Variants in NAALADL2 observed in about 807,000 individuals in gnomAD.
The protein encoded by NAALADL2 is N-acetylated alpha-linked acidic dipeptidase like 2.
In NAALADL2, 76 loss-of-function variants were observed where a neutral mutation model predicts 87.2. That is an observed-to-expected ratio of 0.87 (90% CI 0.72 to 1.05). The LOEUF is 1.05. Among genes scored for constraint, NAALADL2 ranks in the 50% least tolerant of loss-of-function variants. The probability of loss-of-function intolerance (pLI) is 0.00; values close to 1 mark genes in which losing one functional copy is unlikely to be tolerated. For synonymous variants in NAALADL2, 354 were observed against 331.0 expected (o/e 1.07, Z -0.75); for missense variants, 1,089 against 945.8 (o/e 1.15, Z -1.99).
intron 3 of NAALADL2, among the ~76,000 whole-genome samples, chr3:174,744,664 T>C (rs1164100214): frequency 6.6e-6 from 1 of 152,066 alleles, no homozygotes; most frequent in East Asian, 1.9e-4. Context: ...CAGTGCCACA[T>C]GGCATGTTCT....
intron 1 of NAALADL2, among the ~76,000 whole-genome samples, chr3:175,041,428 T>C (rs866366809): frequency 2.6e-5 from 4 of 152,160 alleles, no homozygotes; most frequent in Admixed American, 6.6e-5. Flanking sequence ...TCTAAGTGGT[T>C]ATAAACTATA....
intron 5 of NAALADL2, among the ~76,000 whole-genome samples, chr3:175,413,075 G>C (rs1170500582): frequency 6.8e-6 from 1 of 148,028 alleles, no homozygotes; most frequent in Non-Finnish European, 1.5e-5. Flanking sequence ...ATTTTTAGTA[G>C]AGATGGGGTT....
intron 5 of NAALADL2, among the ~76,000 whole-genome samples, chr3:175,386,590 G>T (rs764071947): frequency 8.6e-5 from 13 of 151,602 alleles, no homozygotes; most frequent in African/African-American, 2.7e-4. Flanking sequence ...CTTATCCCCA[G>T]TATTGCTTTC....
At chr3:175,217,757 C>T (rs1381122) in intron 2 of NAALADL2, among the ~76,000 whole-genome samples, 131,470 of 152,218 alleles carry the variant, frequency 0.86, 57,098 homozygotes, top group Middle Eastern at 0.94. Flanking sequence ...ACATTGAAAA[C>T]AAGCTTAAGA....
chr3:175,054,111 C>T (rs1711590669), intron 1 of NAALADL2, among the ~76,000 whole-genome samples: 1 of 152,186 alleles, frequency 6.6e-6, no homozygotes, highest in African/African-American at 2.4e-5. Context: ...AATCAGAACT[C>T]ACATTCATAG....
At chr3:175,635,263 A>C (rs1029610124) in intron 11 of NAALADL2, among the ~76,000 whole-genome samples, 11 of 152,056 alleles carry the variant, frequency 7.2e-5, no homozygotes, top group African/African-American at 1.9e-4. Context: ...GAATTATTAC[A>C]CAATATGTGA....
At chr3:174,523,003 A>C (rs7645091) in intron 1 of NAALADL2, among the ~76,000 whole-genome samples, 101,167 of 150,366 alleles carry the variant, frequency 0.67, 34,370 homozygotes, top group East Asian at 0.89. Context: ...GATGTCTTGC[A>C]CCTTCCACCA....
intron 2 of NAALADL2, among the ~76,000 whole-genome samples, chr3:174,585,921 A>G (rs548882404): frequency 1.3e-5 from 2 of 152,264 alleles, no homozygotes; most frequent in African/African-American, 4.8e-5. Flanking sequence ...TACCTGCCCT[A>G]TGCTTCTATT....
chr3:174,591,471 TA>T (rs1172147407), intron 2 of NAALADL2, among the ~76,000 whole-genome samples: 1 of 152,128 alleles, frequency 6.6e-6, no homozygotes, highest in Non-Finnish European at 1.5e-5. Flanking sequence ...TTGATGCGGG[TA>T]AAGGAAAACT....
chr3:174,642,933 C>G (rs919786370), intron 2 of NAALADL2, among the ~76,000 whole-genome samples: 1 of 151,948 alleles, frequency 6.6e-6, no homozygotes, highest in Non-Finnish European at 1.5e-5. Context: ...TAGGCACATG[C>G]TACGACACCA....
chr3:175,477,903 A>G (rs550615881), intron 9 of NAALADL2, among the ~76,000 whole-genome samples: 1 of 152,106 alleles, frequency 6.6e-6, no homozygotes, highest in Non-Finnish European at 1.5e-5. Flanking sequence ...TTTTTCCACA[A>G]GAATTGTTGA....
At chr3:175,787,247 G>A (rs965578937) in intron 13 of NAALADL2, among the ~76,000 whole-genome samples, 2 of 152,130 alleles carry the variant, frequency 1.3e-5, no homozygotes, top group Admixed American at 6.5e-5. Flanking sequence ...CACCCAGTTC[G>A]AGCTTCCCGG....
chr3:174,610,483 A>G (rs1436558366), intron 2 of NAALADL2, among the ~76,000 whole-genome samples: 2 of 152,006 alleles, frequency 1.3e-5, no homozygotes, highest in African/African-American at 4.8e-5. Context: ...AAAACAAACA[A>G]CCCCATCAAA....
chr3:174,828,376 C>A lies in NAALADL2; in HGVS notation c.-9+90630C>A, dbSNP rs186824327. ...GAGTTAGAGAACAGGCTTTCAAATT[C>A]TTTTCTTATAAATTTAATTGCTTGG... On this transcript the variant is annotated intron_variant, in intron 3 of 3. Transcript: ENST00000434257. 7.0e-4 allele frequency among the ~76,000 whole-genome samples: 107 copies of A among 152,276 alleles called. 2 individuals carry two copies. Among genetic ancestry groups the A allele is most frequent in the Admixed American group, 1.4e-3 (21 of 15,304 alleles).
intron 2 of NAALADL2, among the ~76,000 whole-genome samples, chr3:174,626,323 C>T (rs541845874): frequency 7.5e-4 from 114 of 152,088 alleles, no homozygotes; most frequent in African/African-American, 2.6e-3. Flanking sequence ...TATTTTTCAT[C>T]TTTATCAACC....
At chr3:174,841,754 G>A (rs576892870) in intron 3 of NAALADL2, among the ~76,000 whole-genome samples, 1 of 152,178 alleles carries the variant, frequency 6.6e-6, no homozygotes, top group South Asian at 2.1e-4. Context: ...CTATTGTCTT[G>A]GGGTTCTTCT....
At chr3:174,553,390 T>C (rs909018409) in intron 2 of NAALADL2, among the ~76,000 whole-genome samples, 17 of 152,188 alleles carry the variant, frequency 1.1e-4, no homozygotes, top group African/African-American at 4.1e-4. Flanking sequence ...AGGTTTCTTA[T>C]AAGCTTAAGC....
chr3:174,810,735 C>T (rs937684792), intron 3 of NAALADL2, among the ~76,000 whole-genome samples: 8 of 152,122 alleles, frequency 5.3e-5, no homozygotes, highest in Non-Finnish European at 1.2e-4. Context: ...GGAGGCAACT[C>T]AAGCAGGCTG....
At chr3:174,693,127 C>T (rs1412539637) in intron 2 of NAALADL2, among the ~76,000 whole-genome samples, 1 of 151,806 alleles carries the variant, frequency 6.6e-6, no homozygotes, top group Admixed American at 6.6e-5. Flanking sequence ...CTCTTAGGGC[C>T]ATCAGGAGTT....
Sources: gnomAD v4.1 joint callset for allele counts (sites outside exome capture counted in the v4.1 genomes callset) on GRCh38, gnomAD v4.1.1 for gene constraint, MANE v1.5 for transcripts, NCBI Gene and HGNC (gene_info 2026-07-23, HGNC 2026-07-21) for gene names.